The following PRKCD variants were observed in gnomAD, a reference collection of about 807,000 sequenced individuals.
PRKCD encodes protein kinase C delta.
Under a neutral mutation model 82.2 loss-of-function variants are expected in PRKCD, and 20 were observed. That is an observed-to-expected ratio of 0.24 (90% CI 0.17 to 0.35). PRKCD has a LOEUF of 0.35. Ranked by LOEUF, PRKCD falls within the 10% of genes least tolerant of loss-of-function variation. The pLI, the probability that PRKCD is intolerant of heterozygous loss-of-function variation, is 1.00. For missense variants in PRKCD, 607 were observed against 899.0 expected (o/e 0.68, Z 4.15); for synonymous variants, 317 against 337.0 (o/e 0.94, Z 0.65).
At chr3:53,163,966 T>C (rs1702754582) in intron 1 of PRKCD, among the ~76,000 whole-genome samples, 1 of 152,120 alleles carries the variant, frequency 6.6e-6, no homozygotes, top group Admixed American at 6.5e-5. Flanking sequence ...ACCATTTAGC[T>C]GGCACAGTTT....
At chr3:53,162,433 C>T (rs1283015370) in intron 1 of PRKCD, among the ~76,000 whole-genome samples, 4 of 152,146 alleles carry the variant, frequency 2.6e-5, no homozygotes, top group African/African-American at 9.7e-5. Flanking sequence ...GCGGGGGGTC[C>T]CCTTCTCTGA....
intron 15 of PRKCD, 55 bp downstream of exon 15, chr3:53,187,457 T>C (rs1703749989): frequency 6.3e-7 from 1 of 1,582,192 alleles, no homozygotes; most frequent in Non-Finnish European, 8.7e-7. Flanking sequence ...AGCCCCATCA[T>C]ATCTTCTGAA....
rs782596735 is a variant in PRKCD, at chr3:53,186,645, C to A, written c.1302C>A (p.Asp434Glu). The A allele has an allele frequency of 6.2e-7, 1 of 1,614,022 alleles. No individual in the cohort carries two copies. The highest frequency in any genetic ancestry group is 8.5e-7 in the Non-Finnish European group (1 of 1,179,914). ...TGATGGAGTTCCTCAACGGGGGGGA[C>A]CTGATGTACCACATCCAGGACAAAG... ...FFVMEFLNGG[D>E]LMYHIQDKGR... The change falls in exon 14 of 19, where the codon GAC becomes GAA. Residue 434 changes from aspartate (D) to glutamate (E), a missense_variant. Asp to Glu is a conservative substitution (Grantham distance 45). This residue lies in a region of PRKCD where 251 missense variants were observed against 423.9 expected (regional missense o/e 0.59). Transcript: ENST00000330452.
In PRKCD at chr3:53,186,164, C is replaced by A. The variant is rs1553668997; in HGVS notation, c.1087-3C>A. ...CTGCTCAGCACCCGTGTCTCCCCAT[C>A]AGGTGCTGCTTGGAGAGCTGAAGGG... is the stretch of plus-strand genomic sequence containing the variant. On this transcript the variant is annotated splice_polypyrimidine_tract_variant and splice_region_variant and intron_variant, in intron 12 of 18. Coordinates refer to ENST00000330452, the MANE Select transcript of PRKCD (RefSeq NM_006254.4). The A allele has an allele frequency of 6.2e-7, 1 of 1,613,328 alleles. No homozygotes were observed. Among genetic ancestry groups the A allele is most frequent in the Non-Finnish European group, 8.5e-7 (1 of 1,179,574 alleles).
At chr3:53,176,820 T>C (rs1180183184) in intron 2 of PRKCD, among the ~76,000 whole-genome samples, 4 of 152,152 alleles carry the variant, frequency 2.6e-5, no homozygotes, top group African/African-American at 9.7e-5. Context: ...AAATACAGTT[T>C]GGGTTTTTTT....
chr3:53,190,139 C>T (rs962960850), intron 18 of PRKCD, 138 bp downstream of exon 18: 17 of 1,269,050 alleles, frequency 1.3e-5, no homozygotes, highest in Middle Eastern at 2.7e-4. Flanking sequence ...CAGCCGCTGC[C>T]CTTGTATTCT....
chr3:53,181,302 C>T (rs374351429), intron 5 of PRKCD, 35 bp downstream of exon 5: 54 of 1,611,658 alleles, frequency 3.4e-5, no homozygotes, highest in South Asian at 1.3e-4. Flanking sequence ...GCTCCCTTGC[C>T]GGGTTCAGAG....
In PRKCD at chr3:53,174,359, G is replaced by T. The variant is rs187793526; in HGVS notation, c.-19-4045G>T. Among the ~76,000 whole-genome samples, 14 of 152,320 alleles carry T rather than the reference G, an allele frequency of 9.2e-5. No homozygotes were observed. The East Asian group carries it at 1.3e-3, about 15-fold the overall frequency. ...GGAAAGGCCTGGCTGGCCTCAGCTG[G>T]CTCCAAGGAGCTTGTCCCCATGGAG... On this transcript the variant is annotated intron_variant, in intron 2 of 18. Coordinates refer to ENST00000330452, the MANE Select transcript of PRKCD (RefSeq NM_006254.4).
chr3:53,179,448 A>C (rs1350324081), intron 3 of PRKCD, 129 bp from the exon 4 acceptor site: 1 of 1,215,522 alleles, frequency 8.2e-7, no homozygotes, highest in Non-Finnish European at 1.2e-6. Flanking sequence ...TCTAGAGGAC[A>C]CTGGGGAACC....
chr3:53,192,002 G>A (rs1703940092), intron 18 of PRKCD, 106 bp from the exon 19 acceptor site: 5 of 1,200,958 alleles, frequency 4.2e-6, no homozygotes, highest in Non-Finnish European at 6.0e-6. Context: ...TCTGTTCTGG[G>A]TGAGGACAGC....
intron 2 of PRKCD, among the ~76,000 whole-genome samples, chr3:53,176,164 C>T (rs566996839): frequency 6.6e-6 from 1 of 152,286 alleles, no homozygotes; most frequent in Admixed American, 6.5e-5. Flanking sequence ...GCACACAGGC[C>T]ACCTGCTGGT....
At chr3:53,185,859 CA>C in intron 11 of PRKCD, 67 bp from the exon 12 acceptor site, 1 of 1,573,584 alleles carries the variant, frequency 6.4e-7, no homozygotes, top group Non-Finnish European at 8.7e-7. Context: ...CAGCCTACCC[CA>C]GGCCCCGGGG....
intron 9 of PRKCD, among the ~76,000 whole-genome samples, chr3:53,184,233 GCTGA>G (rs1703583578): frequency 6.6e-6 from 1 of 152,098 alleles, no homozygotes; most frequent in South Asian, 2.1e-4. Flanking sequence ...TGCTCGGGAG[GCTGA>G]GGCAGGAGAA....
intron 4 of PRKCD, 143 bp from the exon 5 acceptor site, chr3:53,181,064 A>G (rs1575535412): frequency 1.2e-6 from 1 of 834,110 alleles, no homozygotes; most frequent in East Asian, 2.7e-5. Context: ...GGCCCTGCCC[A>G]CACTGGGCAG....
At chr3:53,175,265 G>C (rs552984054) in intron 2 of PRKCD, among the ~76,000 whole-genome samples, 1 of 152,300 alleles carries the variant, frequency 6.6e-6, no homozygotes, top group East Asian at 1.9e-4. Flanking sequence ...CAGGCTGCTG[G>C]GCAGGCGGAA....
At chr3:53,190,618 G>A (rs1703893052) in intron 18 of PRKCD, among the ~76,000 whole-genome samples, 1 of 152,172 alleles carries the variant, frequency 6.6e-6, no homozygotes, top group Admixed American at 6.5e-5. Context: ...GAATCTACAG[G>A]GCTACCAAGG....
rs782671667 is a variant in PRKCD at position 53,186,033 on chromosome 3, G to A, written c.1086+6G>A. On this transcript the variant is annotated splice_donor_region_variant and intron_variant, in intron 12 of 18. Coordinates refer to ENST00000330452, the MANE Select transcript of PRKCD (RefSeq NM_006254.4). ...GCAAAGGCAGCTTCGGGAAGGTGAG[G>A]GCTGTGAGCCGGGCACCTGCTTCCC... The A allele has an allele frequency of 5.6e-6, 9 of 1,614,090 alleles. No homozygotes were observed. The highest frequency in any genetic ancestry group is 7.6e-6 in the Non-Finnish European group (9 of 1,179,950).
chr3:53,183,119 A>G lies in PRKCD; in HGVS notation c.572-2A>G. ...CCCCTCCTGGGCCTGTGCCTCTTCA[A>G]GAATGTAACGCTGCCATCCACAAGA... On this transcript the variant is annotated splice_acceptor_variant, in intron 7 of 18. Transcript: ENST00000330452. LOFTEE classifies it high-confidence loss of function. 2.5e-6 allele frequency: 4 copies of G among 1,614,216 alleles called. No individual in the cohort carries two copies. Among genetic ancestry groups the G allele is most frequent in the Non-Finnish European group, 3.4e-6 (4 of 1,180,022 alleles).
intron 1 of PRKCD, among the ~76,000 whole-genome samples, chr3:53,162,536 GCTGT>G (rs782503788): frequency 1.1e-4 from 17 of 152,230 alleles, no homozygotes; most frequent in African/African-American, 4.8e-5. Flanking sequence ...CAGCTTCTGT[GCTGT>G]CTGTCACTGT....
Sources: allele counts gnomAD v4.1 joint callset (sites outside exome capture counted in the v4.1 genomes callset), GRCh38; gene constraint gnomAD v4.1.1; regional missense constraint gnomAD v4.1.1; transcripts MANE v1.5; gene names NCBI Gene and HGNC (gene_info 2026-07-23, HGNC 2026-07-21).